Variants in ITSN1 observed in about 807,000 individuals in gnomAD.
ITSN1 encodes the protein intersectin 1.
ITSN1 carries 58 observed loss-of-function variants against 239.8 expected under a neutral mutation model. The observed-to-expected ratio is 0.24, with a 90% confidence interval of 0.20 to 0.30. The LOEUF is 0.30. ITSN1 is among the 10% of genes least tolerant of loss of function. ITSN1 has a pLI of 1.00. For synonymous variants in ITSN1, 780 were observed against 770.8 expected, an observed-to-expected ratio of 1.01 and a Z score of -0.20; for missense variants, 1,558 against 2,103.3, an observed-to-expected ratio of 0.74 and a Z score of 5.07.
At chr21:33,777,393 GTTA>G (rs922641865) in intron 14 of ITSN1, among the ~76,000 whole-genome samples, 7 of 152,066 alleles carry the variant, frequency 4.6e-5, no homozygotes, top group Admixed American at 1.3e-4. Flanking sequence ...CGAATTCTCT[GTTA>G]TTGTTCTTTT....
intron 4 of ITSN1, among the ~76,000 whole-genome samples, chr21:33,725,133 G>GTTTTTTTTTTTTTTT (rs1171718411): frequency 3.3e-5 from 3 of 91,148 alleles, no homozygotes; most frequent in Non-Finnish European, 3.9e-5. Flanking sequence ...TTTTTTTTTT[G>GTTTTTTTTTTTTTTT]TTTTTTTTTT....
intron 1 of ITSN1, among the ~76,000 whole-genome samples, chr21:33,679,741 TCA>T (rs1211452509): frequency 7.1e-6 from 1 of 141,826 alleles, no homozygotes; most frequent in East Asian, 2.1e-4. Context: ...TCTCGCTCTG[TCA>T]CACAGGCTGG....
At chr21:33,818,620 A>G in intron 23 of ITSN1, 148 bp downstream of exon 23, 1 of 679,454 alleles carries the variant, frequency 1.5e-6, no homozygotes, top group Non-Finnish European at 2.5e-6. Flanking sequence ...TATATAGAGT[A>G]CCAAAAGGGA....
chr21:33,677,078 C>T (rs1460087491), intron 1 of ITSN1, among the ~76,000 whole-genome samples: 1 of 151,862 alleles, frequency 6.6e-6, no homozygotes, highest in Non-Finnish European at 1.5e-5. Flanking sequence ...ATGGGTGCAG[C>T]ACACCAACAT....
At chr21:33,715,116 A>G (rs1601799333) in intron 1 of ITSN1, among the ~76,000 whole-genome samples, 1 of 152,320 alleles carries the variant, frequency 6.6e-6, no homozygotes, top group African/African-American at 2.4e-5. Flanking sequence ...AAACCAACCT[A>G]TTAAAATATG....
intron 9 of ITSN1, among the ~76,000 whole-genome samples, chr21:33,764,936 T>G (rs2068615568): frequency 1.3e-5 from 2 of 152,218 alleles, no homozygotes; most frequent in Non-Finnish European, 2.9e-5. Flanking sequence ...GAGGAAACAC[T>G]TAGACTCTGT....
At chr21:33,870,630 A>G (rs748914555) in intron 33 of ITSN1, among the ~76,000 whole-genome samples, 6 of 152,244 alleles carry the variant, frequency 3.9e-5, no homozygotes, top group Non-Finnish European at 7.3e-5. Context: ...AACCTAAAAA[A>G]TACCCAAACT....
At chr21:33,810,118 GTGAT>G (rs1041481473) in intron 20 of ITSN1, among the ~76,000 whole-genome samples, 2 of 152,146 alleles carry the variant, frequency 1.3e-5, no homozygotes, top group Non-Finnish European at 2.9e-5. Flanking sequence ...AATAGCAAAT[GTGAT>G]TGTCCTCCAA....
chr21:33,838,537 CAGT>C (rs1289904864), intron 29 of ITSN1: 2 of 879,950 alleles, frequency 2.3e-6, no homozygotes, highest in Non-Finnish European at 2.7e-6. Context: ...TGGAACCTGG[CAGT>C]GGTGGTGAGG....
rs113827865 is a variant in ITSN1 at position 33,844,170 on chromosome 21, G to A, written c.3661+7538G>A. The stretch of plus-strand genomic sequence containing the variant: ...CCTTCCTGATAGCAGGAGGCCCACC[G>A]GTGGAAGCAAGCAGCTTTTTAAACG... On this transcript the variant is annotated intron_variant, in intron 29 of 39. Transcript: ENST00000381318. 1.1e-3 allele frequency among the ~76,000 whole-genome samples: 169 copies of A among 152,280 alleles called. 1 individual carries two copies. The highest frequency in any genetic ancestry group is 3.8e-3 in the African/African-American group (156 of 41,554).
chr21:33,793,814 G>T (rs565259332), intron 16 of ITSN1, among the ~76,000 whole-genome samples: 20 of 152,164 alleles, frequency 1.3e-4, no homozygotes, highest in Non-Finnish European at 1.0e-4. Context: ...AATAGACCCT[G>T]GGGGGAAGAA....
chr21:33,743,836 G>GT (rs1185923012), intron 5 of ITSN1, among the ~76,000 whole-genome samples: 3 of 152,184 alleles, frequency 2.0e-5, no homozygotes, highest in Non-Finnish European at 4.4e-5. Flanking sequence ...AGAAAATGGA[G>GT]TAACATATTT....
chr21:33,806,420 C>G (rs1429284748), intron 20 of ITSN1, among the ~76,000 whole-genome samples: 1 of 152,194 alleles, frequency 6.6e-6, no homozygotes, highest in South Asian at 2.1e-4. Flanking sequence ...TTCTGCTTCC[C>G]CCCTTTGTGA....
intron 4 of ITSN1, among the ~76,000 whole-genome samples, chr21:33,734,280 C>T (rs758244086): frequency 3.5e-4 from 53 of 152,192 alleles, no homozygotes; most frequent in Admixed American, 5.9e-4. Flanking sequence ...GCCAAAAGGC[C>T]GAGAAGCGAT....
At chr21:33,883,752 G>A (rs1985321869) in intron 36 of ITSN1, 81 bp downstream of exon 36, 1 of 1,528,484 alleles carries the variant, frequency 6.5e-7, no homozygotes, top group Non-Finnish European at 8.9e-7. Context: ...TTAATCAGGT[G>A]CCAATGTTTC....
chr21:33,885,624 A>T, intron 38 of ITSN1, 102 bp downstream of exon 38: 1 of 862,946 alleles, frequency 1.2e-6, no homozygotes. Flanking sequence ...CTATTTCCAT[A>T]CTCCCTGATC....
chr21:33,759,123 T>C (rs770193719), intron 8 of ITSN1, among the ~76,000 whole-genome samples: 2 of 152,254 alleles, frequency 1.3e-5, no homozygotes, highest in Non-Finnish European at 2.9e-5. Flanking sequence ...ATAGGTCATA[T>C]GTTCTCTGCT....
At chr21:33,827,222 A>C (rs1039080433) in intron 26 of ITSN1, among the ~76,000 whole-genome samples, 2 of 152,038 alleles carry the variant, frequency 1.3e-5, no homozygotes, top group Non-Finnish European at 2.9e-5. Flanking sequence ...CAACAGGGGA[A>C]TCCCGGTCTG....
chr21:33,765,255 A>G (rs890253540), intron 9 of ITSN1, among the ~76,000 whole-genome samples: 1 of 152,228 alleles, frequency 6.6e-6, no homozygotes, highest in East Asian at 1.9e-4. Flanking sequence ...GCTTATGCCT[A>G]TAATCCCAGC....
Sources: allele counts gnomAD v4.1 joint callset (sites outside exome capture counted in the v4.1 genomes callset), GRCh38; gene constraint gnomAD v4.1.1; transcripts MANE v1.5; gene names NCBI Gene and HGNC (gene_info 2026-07-23, HGNC 2026-07-21).